BRINP3: variants seen among roughly 807,000 people sequenced by gnomAD.
BRINP3 encodes BMP/retinoic acid-inducible neural-specific protein 3.
In BRINP3, 19 loss-of-function variants were observed where a neutral mutation model predicts 71.0. That is an observed-to-expected ratio of 0.27 (90% CI 0.19 to 0.39). The LOEUF is 0.39. BRINP3 is among the 10% of genes least tolerant of loss of function. The pLI is 1.00. For missense variants in BRINP3, 959 were observed against 940.8 expected (o/e 1.02, Z -0.25); for synonymous variants, 380 against 337.7 (o/e 1.13, Z -1.37).
At chr1:190,102,311 A>G (rs549144558) in intron 7 of BRINP3, among the ~76,000 whole-genome samples, 1 of 152,122 alleles carries the variant, frequency 6.6e-6, no homozygotes, top group Non-Finnish European at 1.5e-5. Context: ...CCCTTACTTT[A>G]TCTTAAAACT....
intron 2 of BRINP3, among the ~76,000 whole-genome samples, chr1:190,437,861 G>T (rs1419045237): frequency 6.6e-6 from 1 of 151,696 alleles, no homozygotes; most frequent in East Asian, 1.9e-4. Flanking sequence ...ATATATTGTA[G>T]AGGAGTTAAG....
intron 2 of BRINP3, among the ~76,000 whole-genome samples, chr1:190,375,979 T>C (rs1034512116): frequency 6.6e-6 from 1 of 151,998 alleles, no homozygotes; most frequent in African/African-American, 2.4e-5. Flanking sequence ...CAGGCATATA[T>C]ATTATAGGCT....
At chr1:190,364,379 A>C (rs920017341) in intron 2 of BRINP3, among the ~76,000 whole-genome samples, 1 of 152,112 alleles carries the variant, frequency 6.6e-6, no homozygotes, top group Admixed American at 6.6e-5. Context: ...TACTTCAGAT[A>C]ATATAAATAA....
At chr1:190,316,753 G>T (rs1029526832) in intron 2 of BRINP3, among the ~76,000 whole-genome samples, 47 of 152,180 alleles carry the variant, frequency 3.1e-4, no homozygotes, top group African/African-American at 1.1e-3. Flanking sequence ...AGTCCTGAAA[G>T]AATTGTTGAG....
At chr1:190,182,657 T>C (rs1032976362) in intron 6 of BRINP3, among the ~76,000 whole-genome samples, 4 of 152,140 alleles carry the variant, frequency 2.6e-5, no homozygotes, top group African/African-American at 7.2e-5. Context: ...GTAGTGTTTT[T>C]CCTTTGTTGG....
intron 2 of BRINP3, among the ~76,000 whole-genome samples, chr1:190,288,951 A>G (rs1213760147): frequency 6.6e-6 from 1 of 151,926 alleles, no homozygotes; most frequent in African/African-American, 2.4e-5. Flanking sequence ...AATTTCTTCA[A>G]TTATTTAGGC....
intron 2 of BRINP3, among the ~76,000 whole-genome samples, chr1:190,368,353 G>A (rs1009038837): frequency 6.6e-6 from 1 of 152,060 alleles, no homozygotes; most frequent in African/African-American, 2.4e-5. Flanking sequence ...CCACCCACAT[G>A]ATTAAATTAC....
chr1:190,453,201 G>GTTTT (rs745819844), intron 2 of BRINP3, among the ~76,000 whole-genome samples: 380 of 37,840 alleles, frequency 0.01, 41 homozygotes, highest in Non-Finnish European at 0.018. Flanking sequence ...AAAAACTTTA[G>GTTTT]TATTTTTTTT....
intron 2 of BRINP3, among the ~76,000 whole-genome samples, chr1:190,431,776 C>T (rs952986595): frequency 6.6e-5 from 10 of 152,100 alleles, no homozygotes; most frequent in African/African-American, 2.4e-4. Context: ...AAGTAAACCA[C>T]AGTTTTTTTA....
At chr1:190,157,916 C>T (rs1657006953) in intron 7 of BRINP3, among the ~76,000 whole-genome samples, 1 of 152,014 alleles carries the variant, frequency 6.6e-6, no homozygotes, top group African/African-American at 2.4e-5. Context: ...ACATACATGC[C>T]ATGGAATACC....
chr1:190,196,609 G>C (rs755133767), intron 6 of BRINP3, among the ~76,000 whole-genome samples: 5 of 151,918 alleles, frequency 3.3e-5, no homozygotes, highest in Non-Finnish European at 2.9e-5. Flanking sequence ...AGGTACTTTG[G>C]TCATTATTGC....
At chr1:190,370,697 C>T (rs940085202) in intron 2 of BRINP3, among the ~76,000 whole-genome samples, 4 of 152,192 alleles carry the variant, frequency 2.6e-5, no homozygotes, top group Non-Finnish European at 5.9e-5. Context: ...GAAGCCTGTG[C>T]CTCCTGCCAC....
At chr1:190,207,922 C>A (rs1357587754) in intron 6 of BRINP3, among the ~76,000 whole-genome samples, 2 of 151,956 alleles carry the variant, frequency 1.3e-5, no homozygotes, top group East Asian at 3.9e-4. Context: ...GTTGAACTCG[C>A]TCTAGGTAAA....
chr1:190,353,033 T>C (rs557884821), intron 2 of BRINP3, among the ~76,000 whole-genome samples: 6 of 146,742 alleles, frequency 4.1e-5, no homozygotes, highest in East Asian at 2.0e-4. Flanking sequence ...ATCAGCAAGC[T>C]GGCTTAAAAA....
intron 4 of BRINP3, among the ~76,000 whole-genome samples, chr1:190,243,716 C>T (rs1473369781): frequency 6.6e-6 from 1 of 152,090 alleles, no homozygotes; most frequent in African/African-American, 2.4e-5. Flanking sequence ...AGGCAGCGAC[C>T]TCAGTTCTTA....
At chr1:190,272,116 T>G (rs1662162379) in intron 3 of BRINP3, among the ~76,000 whole-genome samples, 1 of 151,550 alleles carries the variant, frequency 6.6e-6, no homozygotes, top group African/African-American at 2.4e-5. Context: ...TCTTTTTCAG[T>G]GTCCACATTT....
rs572558638 is a variant in BRINP3, at chr1:190,114,943, G to C, written c.1185-15809C>G. Among the ~76,000 whole-genome samples, 8 of 152,124 alleles carry C rather than the reference G, an allele frequency of 5.3e-5. No individual in the cohort carries two copies. In the East Asian group the frequency reaches 1.5e-3, roughly 29 times the overall value. On this transcript the variant is annotated intron_variant, in intron 7 of 7. Transcript: ENST00000367462. The stretch of plus-strand genomic sequence containing the variant: ...TTAAACTATTAATAATATTTTCTTA[G>C]TGAGGATTCTCATAGCTATCCTATA...
chr1:190,254,422 A>C (rs997290372), intron 4 of BRINP3, among the ~76,000 whole-genome samples: 4 of 151,888 alleles, frequency 2.6e-5, no homozygotes, highest in Non-Finnish European at 5.9e-5. Context: ...ATGTTCTTCC[A>C]TTGGTTTGTG....
chr1:190,170,362 C>T (rs1047886809), intron 6 of BRINP3, among the ~76,000 whole-genome samples: 1 of 151,970 alleles, frequency 6.6e-6, no homozygotes, highest in Non-Finnish European at 1.5e-5. Flanking sequence ...CTTTCCAAAG[C>T]CCTAAGACAG....
Sources: gnomAD v4.1 joint callset for allele counts (sites outside exome capture counted in the v4.1 genomes callset) on GRCh38, gnomAD v4.1.1 for gene constraint, MANE v1.5 for transcripts, NCBI Gene and HGNC (gene_info 2026-07-23, HGNC 2026-07-21) for gene names.